TENM3: variants seen among roughly 807,000 people sequenced by gnomAD.
TENM3 encodes teneurin-3.
Under a neutral mutation model 255.1 loss-of-function variants are expected in TENM3, and 63 were observed. The ratio of observed to expected loss-of-function variants is 0.25; its 90% CI spans 0.20 to 0.30. The LOEUF is 0.30. Among genes scored for constraint, TENM3 ranks in the 10% least tolerant of loss-of-function variants. The pLI is 1.00. For missense variants in TENM3, 2,929 were observed against 3,461.1 expected (o/e 0.85, Z 3.86); for synonymous variants, 1,306 against 1,322.3 (o/e 0.99, Z 0.27).
intron 1 of TENM3, among the ~76,000 whole-genome samples, chr4:182,188,104 T>C (rs1184185527): frequency 6.6e-6 from 1 of 152,134 alleles, no homozygotes; most frequent in East Asian, 1.9e-4. Context: ...TAAGATAAGA[T>C]ACAACCAAAT....
At chr4:182,530,287 C>T (rs1739636759) in intron 3 of TENM3, among the ~76,000 whole-genome samples, 2 of 152,170 alleles carry the variant, frequency 1.3e-5, no homozygotes, top group African/African-American at 4.8e-5. Flanking sequence ...AACAGGCTGC[C>T]TCTCCAAAGT....
At chr4:181,867,775 T>A in the TENM3 span, among the ~76,000 whole-genome samples, 1 of 152,188 alleles carries the variant, frequency 6.6e-6, no homozygotes, top group Admixed American at 6.5e-5. Flanking sequence ...CCAATACCCC[T>A]GCTTGGCAAC....
chr4:181,797,855 C>A, the TENM3 span, among the ~76,000 whole-genome samples: 1 of 152,096 alleles, frequency 6.6e-6, no homozygotes, highest in East Asian at 1.9e-4. Flanking sequence ...GAGGAAGGAA[C>A]CTATGAGGCG....
the TENM3 span, among the ~76,000 whole-genome samples, chr4:181,689,041 T>C: frequency 1.3e-5 from 2 of 152,164 alleles, no homozygotes; most frequent in African/African-American, 4.8e-5. Context: ...TATCTTTACA[T>C]CCACATGTAT....
chr4:181,532,601 G>A, the TENM3 span, among the ~76,000 whole-genome samples: 2 of 152,226 alleles, frequency 1.3e-5, no homozygotes, highest in African/African-American at 4.8e-5. Flanking sequence ...CCCTATTTGA[G>A]TATATCTTAT....
chr4:181,751,167 T>C, the TENM3 span, among the ~76,000 whole-genome samples: 1 of 152,104 alleles, frequency 6.6e-6, no homozygotes. Context: ...TGTTAAAATC[T>C]CCATGCTAGA....
rs2152469815 is a variant in TENM3 at position 182,628,744 on chromosome 4, A to G, written c.843A>G (p.Pro281=). 2 of 1,609,468 alleles carry G rather than the reference A, an allele frequency of 1.2e-6. No individual in the cohort carries two copies. The highest frequency in any genetic ancestry group is 1.7e-6 in the Non-Finnish European group (2 of 1,177,956). The part of the protein sequence containing the change: ...YTMASGSVYS[P]PTRPLPRNTL... ...TGGCATCTGGCTCTGTTTATTCACCACCTACTCGGCCACTACCTAGAAACA... is the reference window on the plus strand; with the variant it reads ...TGGCATCTGGCTCTGTTTATTCACCGCCTACTCGGCCACTACCTAGAAACA... The change falls in exon 5 of 28, where the codon CCA becomes CCG. Residue 281 remains proline, a synonymous_variant. Transcript: ENST00000511685.
chr4:181,789,551 C>G, the TENM3 span, among the ~76,000 whole-genome samples: 1 of 152,020 alleles, frequency 6.6e-6, no homozygotes, highest in African/African-American at 2.4e-5. Flanking sequence ...GCCACTAGAG[C>G]CCCCTTTGTA....
intron 3 of TENM3, among the ~76,000 whole-genome samples, chr4:182,413,690 A>G (rs942066846): frequency 1.1e-4 from 16 of 152,294 alleles, no homozygotes; most frequent in African/African-American, 3.8e-4. Context: ...GATGGCAAAC[A>G]GAAGATTTTC....
At position 182,205,805 on chromosome 4, in the gene TENM3, C is replaced by A. The variant is rs117210616; in HGVS notation, c.-76+61051C>A. Among the ~76,000 whole-genome samples the A allele has an allele frequency of 1.4e-4, 21 of 152,294 alleles. No individual in the cohort carries two copies. The East Asian group carries it at 4.1e-3, about 29-fold the overall frequency. ...AAGTTTGGGGAGCATCAGTGGAGTA[C>A]ATGTGGATGCTCCCAACTCACATCT... On this transcript the variant is annotated intron_variant, in intron 1 of 2. Coordinates refer to the TENM3 transcript ENST00000512480.
Position 182,161,557 on chromosome 4 carries a change from A to G in TENM3, c.-76+16803A>G, listed in dbSNP as rs1490681950. On this transcript the variant is annotated intron_variant, in intron 1 of 2. Transcript: ENST00000512480. ...AGCCGAGATCACGCCACTGCACTCC[A>G]GCCTGGGCAACAGAGTTGAGGCTCA... 4.7e-4 allele frequency among the ~76,000 whole-genome samples: 26 copies of G among 55,288 alleles called. 1 individual carries two copies. Among genetic ancestry groups the G allele is most frequent in the African/African-American group, 1.6e-3 (26 of 16,566 alleles). 36.3% of individuals were successfully genotyped at this position (55,288 alleles called of 152,430 possible).
chr4:181,570,794 G>T, the TENM3 span, among the ~76,000 whole-genome samples: 2 of 152,002 alleles, frequency 1.3e-5, no homozygotes, highest in Non-Finnish European at 2.9e-5. Context: ...GACACAATTC[G>T]ATCTGCAAGA....
chr4:182,431,303 G>A (rs146626289), intron 3 of TENM3, among the ~76,000 whole-genome samples: 2,109 of 151,934 alleles, frequency 0.014, 49 homozygotes, highest in African/African-American at 0.047. Context: ...AGACCATCCT[G>A]GCCAACATGG....
the TENM3 span, among the ~76,000 whole-genome samples, chr4:181,463,351 T>A: frequency 8.4e-3 from 1,278 of 152,320 alleles, 15 homozygotes; most frequent in African/African-American, 0.028. Context: ...TTGCCTGTTG[T>A]ATACATTCTC....
chr4:182,304,456 C>T (rs1358332204), intron 1 of TENM3, among the ~76,000 whole-genome samples: 1 of 152,158 alleles, frequency 6.6e-6, no homozygotes, highest in African/African-American at 2.4e-5. Flanking sequence ...TCATGATCCA[C>T]CCGCCTCGGC....
At chr4:181,528,647 A>G in the TENM3 span, among the ~76,000 whole-genome samples, 1 of 152,210 alleles carries the variant, frequency 6.6e-6, no homozygotes, top group Non-Finnish European at 1.5e-5. Flanking sequence ...TCATTTTACA[A>G]ATAAGGAAAG....
At chr4:181,974,965 G>A in the TENM3 span, among the ~76,000 whole-genome samples, 100 of 152,062 alleles carry the variant, frequency 6.6e-4, no homozygotes, top group African/African-American at 2.4e-3. Flanking sequence ...TGGAGTTCCC[G>A]GTGTCTATTA....
At chr4:182,118,961 A>T in the TENM3 span, among the ~76,000 whole-genome samples, 1 of 152,180 alleles carries the variant, frequency 6.6e-6, no homozygotes, top group Admixed American at 6.5e-5. Flanking sequence ...GCAAAAAAAT[A>T]GGCCATTAGC....
At chr4:182,703,766 C>A (rs1758068203) in intron 12 of TENM3, among the ~76,000 whole-genome samples, 1 of 152,026 alleles carries the variant, frequency 6.6e-6, no homozygotes, top group South Asian at 2.1e-4. Flanking sequence ...TGAGAAAGAC[C>A]CATTATATTT....
Sources: allele counts gnomAD v4.1 joint callset (sites outside exome capture counted in the v4.1 genomes callset), GRCh38; gene constraint gnomAD v4.1.1; transcripts MANE v1.5; gene names NCBI Gene and HGNC (gene_info 2026-07-23, HGNC 2026-07-21).